KYNU: variants seen among roughly 807,000 people sequenced by gnomAD.
KYNU encodes kynureninase, also known as L-kynurenine hydrolase.
KYNU carries 54 observed loss-of-function variants against 59.2 expected under a neutral mutation model. That is an observed-to-expected ratio of 0.91 (90% CI 0.73 to 1.14). KYNU has a LOEUF of 1.14. Ranked by LOEUF, KYNU falls within the 50% of genes most tolerant of loss-of-function variation. The probability of loss-of-function intolerance (pLI) is 0.00; values close to 1 mark genes in which losing one functional copy is unlikely to be tolerated. For missense variants in KYNU, 567 were observed against 554.4 expected (o/e 1.02, Z -0.23); for synonymous variants, 177 against 192.0 (o/e 0.92, Z 0.65).
chr2:143,015,128 C>A (rs1459046134), intron 10 of KYNU, among the ~76,000 whole-genome samples: 2 of 152,120 alleles, frequency 1.3e-5, no homozygotes, highest in Non-Finnish European at 2.9e-5. Flanking sequence ...TGCCTTCAAG[C>A]AATCCTCCTG....
intron 8 of KYNU, among the ~76,000 whole-genome samples, chr2:142,969,336 A>G (rs1458468174): frequency 3.9e-5 from 6 of 152,170 alleles, no homozygotes; most frequent in Non-Finnish European, 5.9e-5. Flanking sequence ...CTGTATTTTG[A>G]TGTAGGGGAA....
At chr2:142,890,577 A>G (rs1681679634) in intron 2 of KYNU, among the ~76,000 whole-genome samples, 1 of 152,160 alleles carries the variant, frequency 6.6e-6, no homozygotes, top group Admixed American at 6.5e-5. Context: ...TCCCAAGCTG[A>G]AGTAATCCTC....
intron 10 of KYNU, among the ~76,000 whole-genome samples, chr2:143,015,321 A>C (rs897470778): frequency 6.6e-6 from 1 of 152,186 alleles, no homozygotes; most frequent in Admixed American, 6.5e-5. Flanking sequence ...TAAAAATTTG[A>C]ATGGAAAAAG....
chr2:142,937,114 G>C (rs147230280), intron 4 of KYNU, among the ~76,000 whole-genome samples: 67 of 152,128 alleles, frequency 4.4e-4, no homozygotes, highest in African/African-American at 1.5e-3. Context: ...CCTCTTTCTC[G>C]ATCTTCAGGA....
At chr2:142,974,697 A>C (rs902995305) in intron 8 of KYNU, among the ~76,000 whole-genome samples, 1 of 152,194 alleles carries the variant, frequency 6.6e-6, no homozygotes, top group Non-Finnish European at 1.5e-5. Context: ...TATTAATTTT[A>C]AAAAATGTAA....
rs1037139027 is a variant in KYNU at position 142,920,388 on chromosome 2, G to T, written c.290+1659G>T. ...GCAGATAATTAGATTGAATGAATTT[G>T]AACTTTATAGAGTGTCCTTGCCTCT... On this transcript the variant is annotated intron_variant, in intron 3 of 13. Coordinates refer to ENST00000264170, the MANE Select transcript of KYNU (RefSeq NM_003937.3). 2.2e-4 allele frequency among the ~76,000 whole-genome samples: 34 copies of T among 152,296 alleles called. 2 individuals are homozygous for T. In the East Asian group the frequency reaches 2.3e-3, roughly 10 times the overall value.
chr2:143,028,709 G>A (rs922862688), intron 10 of KYNU, among the ~76,000 whole-genome samples: 7 of 151,906 alleles, frequency 4.6e-5, no homozygotes, highest in East Asian at 2.0e-4. Flanking sequence ...TTAGCCGGGC[G>A]TGGTGGCACA....
rs377067045 is a variant in KYNU at position 142,909,161 on chromosome 2, G to GTTT, written c.170-9439_170-9437dup. 4.4e-3 allele frequency among the ~76,000 whole-genome samples: 663 copies of GTTT among 149,210 alleles called. 3 individuals carry two copies. Among genetic ancestry groups the GTTT allele is most frequent in the Middle Eastern group, 0.01 (3 of 288 alleles). ...ATAGGATGTTCCAAACATATATCAA[G>GTTT]TTTTTTTTTTTGTGGAAGTCATTAT... On this transcript the variant is annotated intron_variant, in intron 2 of 13. Coordinates refer to ENST00000264170, the MANE Select transcript of KYNU (RefSeq NM_003937.3).
At position 143,043,234 on chromosome 2, in the gene KYNU, T is replaced by G. The variant is rs1220627023; in HGVS notation, c.*1062T>G. 6.6e-6 allele frequency: 1 copy of G among 151,958 alleles called. No homozygotes were observed. Among genetic ancestry groups the G allele is most frequent in the Non-Finnish European group, 1.5e-5 (1 of 67,938 alleles). 9.4% of individuals were successfully genotyped at this position (151,958 alleles called of 1,614,324 possible). A position where few individuals can be genotyped will look rare whatever the true frequency, so the allele number is the denominator to read the frequency against. ...TTTTGGGGATTAGAGATATAAGAAA[T>G]ATGTGCTCCATCTCTTGACATCTTT... On this transcript the variant is annotated 3_prime_UTR_variant, in exon 14 of 14. Coordinates refer to ENST00000264170, the MANE Select transcript of KYNU (RefSeq NM_003937.3).
In KYNU at chr2:143,054,202, C is replaced by G. The variant is rs1383459908; in HGVS notation, c.*12030C>G. ...TTTTAAATTTTAGATTCTACAATAT[C>G]TCCAATTCTTCAGTTTATTCCCTCT... On this transcript the variant is annotated 3_prime_UTR_variant, in exon 14 of 14. Coordinates refer to ENST00000264170, the MANE Select transcript of KYNU (RefSeq NM_003937.3). The G allele has an allele frequency of 5.9e-5, 9 of 152,032 alleles. No homozygotes were observed. Among genetic ancestry groups the G allele is most frequent in the African/African-American group, 1.9e-4 (8 of 41,394 alleles). The allele number at this position is 152,032 out of a possible 1,614,324, so 9.4% of individuals were successfully genotyped here. A position where few individuals can be genotyped will look rare whatever the true frequency, so the allele number is the denominator to read the frequency against.
Position 142,898,600 on chromosome 2 carries a change from C to A in KYNU, c.169+13064C>A, listed in dbSNP as rs185747778. Among the ~76,000 whole-genome samples the A allele has an allele frequency of 1.0e-3, 153 of 152,178 alleles. No homozygotes were observed. In the East Asian group the frequency reaches 0.019, roughly 18 times the overall value. On this transcript the variant is annotated intron_variant, in intron 2 of 13. Transcript: ENST00000264170. The stretch of plus-strand genomic sequence containing the variant: ...ACTCAAATACCTAGCTAGTAATATT[C>A]CAAAAATAAACATTAATTATATGGA...
In KYNU at chr2:143,042,201, T is replaced by A. The variant is rs764253788; in HGVS notation, c.*29T>A. 1 of 1,601,690 alleles carries A rather than the reference T, an allele frequency of 6.2e-7. No homozygotes were observed. The highest frequency in any genetic ancestry group is 1.7e-5 in the Admixed American group (1 of 59,752). ...TGTTTTCTAGAACAACTTAAGCAAATTATACTGAAAGCTGCTGTGGTTATT... is the reference window on the plus strand; with the variant it reads ...TGTTTTCTAGAACAACTTAAGCAAAATATACTGAAAGCTGCTGTGGTTATT... On this transcript the variant is annotated 3_prime_UTR_variant, in exon 14 of 14. Coordinates refer to ENST00000264170, the MANE Select transcript of KYNU (RefSeq NM_003937.3).
At chr2:143,020,811 A>C (rs1686384403) in intron 10 of KYNU, among the ~76,000 whole-genome samples, 1 of 152,210 alleles carries the variant, frequency 6.6e-6, no homozygotes. Flanking sequence ...ATTTCCAGAA[A>C]TGAATTTCGT....
At chr2:142,948,999 G>A (rs1366111996) in intron 4 of KYNU, among the ~76,000 whole-genome samples, 1 of 152,212 alleles carries the variant, frequency 6.6e-6, no homozygotes, top group East Asian at 1.9e-4. Flanking sequence ...GTTCAAAATG[G>A]GAGAAATTGG....
chr2:143,040,805 G>T lies in KYNU; in HGVS notation c.1272+147G>T, dbSNP rs886204981. The T allele has an allele frequency of 1.2e-5, 7 of 603,064 alleles. No individual in the cohort carries two copies. The Admixed American group carries it at 1.8e-4, about 16-fold the overall frequency. The allele number at this position is 603,064 out of a possible 1,614,324, so 37.4% of individuals were successfully genotyped here. On this transcript the variant is annotated intron_variant, in intron 13 of 13. Transcript: ENST00000264170. ...AAATTAAGTGCCAACTAAGCCCTCA[G>T]CACTGTGCTAACTGAAAGGCATAGA...
chr2:142,979,441 G>C (rs1684987792), intron 8 of KYNU, among the ~76,000 whole-genome samples: 1 of 152,096 alleles, frequency 6.6e-6, no homozygotes, highest in Non-Finnish European at 1.5e-5. Flanking sequence ...TGTTACAAGA[G>C]AGATATACAA....
At chr2:142,921,996 A>C (rs536611529) in intron 3 of KYNU, among the ~76,000 whole-genome samples, 3 of 152,088 alleles carry the variant, frequency 2.0e-5, no homozygotes, top group Non-Finnish European at 4.4e-5. Flanking sequence ...TTATTGTGGT[A>C]AATTTTATCT....
rs1195907152 is a variant in KYNU at position 143,050,723 on chromosome 2, C to T, written c.*8551C>T. The T allele has an allele frequency of 6.6e-6, 1 of 152,150 alleles. No homozygotes were observed. Among genetic ancestry groups the T allele is most frequent in the Non-Finnish European group, 1.5e-5 (1 of 68,040 alleles). The allele number at this position is 152,150 out of a possible 1,614,324, so 9.4% of individuals were successfully genotyped here. A position where few individuals can be genotyped will look rare whatever the true frequency, so the allele number is the denominator to read the frequency against. On this transcript the variant is annotated 3_prime_UTR_variant, in exon 14 of 14. Coordinates refer to ENST00000264170, the MANE Select transcript of KYNU (RefSeq NM_003937.3). The stretch of plus-strand genomic sequence containing the variant: ...TTAATTTCAAATTAAATAAACTTTT[C>T]TACAGCTATTTTATGCTCAATAACT...
At chr2:142,951,288 C>T (rs1015263503) in intron 4 of KYNU, among the ~76,000 whole-genome samples, 45 of 152,138 alleles carry the variant, frequency 3.0e-4, no homozygotes, top group African/African-American at 1.1e-3. Flanking sequence ...GTGTGGTGGC[C>T]TATGCCTGTA....
Sources: gnomAD v4.1 joint callset for allele counts (sites outside exome capture counted in the v4.1 genomes callset) on GRCh38, gnomAD v4.1.1 for gene constraint, MANE v1.5 for transcripts, NCBI Gene and HGNC (gene_info 2026-07-23, HGNC 2026-07-21) for gene names.